EPS8L3: variants seen among roughly 807,000 people sequenced by gnomAD.
The protein encoded by EPS8L3 is EPS8 signaling adaptor L3.
Under a neutral mutation model 88.5 loss-of-function variants are expected in EPS8L3, and 80 were observed. The ratio of observed to expected loss-of-function variants is 0.90; its 90% CI spans 0.75 to 1.09. EPS8L3 has a LOEUF of 1.09. Among genes scored for constraint, EPS8L3 ranks in the 50% least tolerant of loss-of-function variants. The pLI, the probability that EPS8L3 is intolerant of heterozygous loss-of-function variation, is 0.00. For missense variants in EPS8L3, 721 were observed against 735.2 expected (o/e 0.98, Z 0.22); for synonymous variants, 286 against 291.0 (o/e 0.98, Z 0.18).
At chr1:109,757,288 GC>G in intron 11 of EPS8L3, 123 bp from the exon 12 acceptor site, 1 of 1,262,996 alleles carries the variant, frequency 7.9e-7, no homozygotes, top group East Asian at 2.5e-5. Flanking sequence ...CCTGCAAGGG[GC>G]CCCATCTGCC....
rs754934510 is a variant in EPS8L3 at position 109,750,727 on chromosome 1, T to G, written c.1703A>C (p.Gln568Pro). The change falls in exon 18 of 19, where the codon CAG (glutamine) becomes CCG (proline). Residue 568 changes from glutamine to proline, a missense_variant. Gln to Pro is a moderately conservative substitution (Grantham distance 76, BLOSUM62 -1). Coordinates refer to ENST00000361965, the MANE Select transcript of EPS8L3 (RefSeq NM_133181.4). ...TGGGGCCTCCTGTGGACATAGCATCTGTAGCTCCCCAGGTCTTATGCGAAG... is the reference window on the plus strand; with the variant it reads ...TGGGGCCTCCTGTGGACATAGCATCGGTAGCTCCCCAGGTCTTATGCGAAG... ...QLLRIRPGEL[Q>P]MLCPQEAPRI... The G allele has an allele frequency of 6.2e-7, 1 of 1,614,228 alleles. No individual in the cohort carries two copies.
At position 109,752,721 on chromosome 1, in the gene EPS8L3, C is replaced by T. The variant is rs2101414937; in HGVS notation, c.1201-1G>A. On this transcript the variant is annotated splice_acceptor_variant, in intron 13 of 18. Transcript: ENST00000361965. LOFTEE classifies it high-confidence loss of function. ...CAGGGTCCTGGTATCCTAAGGGTGC[C>T]TGTAAGGGACAGAACAGAGAGTGAG... is the stretch of plus-strand genomic sequence containing the variant. The T allele has an allele frequency of 6.4e-7, 1 of 1,552,048 alleles. No individual in the cohort carries two copies. Among genetic ancestry groups the T allele is most frequent in the Non-Finnish European group, 8.7e-7 (1 of 1,147,100 alleles).
Position 109,759,208 on chromosome 1 carries a change from AC to A in EPS8L3, c.405+29del. 1 of 1,604,168 alleles carries A rather than the reference AC, an allele frequency of 6.2e-7. No individual in the cohort carries two copies. Among genetic ancestry groups the A allele is most frequent in the Non-Finnish European group, 8.5e-7 (1 of 1,175,152 alleles). ...GGTGGGGTGATGGTCGATGAACCCC[AC>A]CCCTGACCAATCACCCCCGACCACT... On this transcript the variant is annotated intron_variant, in intron 5 of 18. Coordinates refer to ENST00000361965, the MANE Select transcript of EPS8L3 (RefSeq NM_133181.4). This position sits in a 1 kb window ranked among gnomAD's most constrained non-coding sequence, Gnocchi z 4.2.
rs1242502400 is a variant in EPS8L3, at chr1:109,757,461, C to T, written c.969+20G>A. On this transcript the variant is annotated intron_variant, in intron 11 of 18. Transcript: ENST00000361965. ...ACTTCAGCCTGTCCGTCTTCACCAC[C>T]CTGTCGTCCCTTGACTCACGAAGTT... 2.5e-6 allele frequency: 4 copies of T among 1,610,092 alleles called. No individual in the cohort carries two copies. In the South Asian group the frequency reaches 4.4e-5, roughly 18 times the overall value.
intron 12 of EPS8L3, among the ~76,000 whole-genome samples, chr1:109,753,563 T>C (rs1650009279): frequency 6.6e-6 from 1 of 152,184 alleles, no homozygotes; most frequent in Admixed American, 6.5e-5. Flanking sequence ...TTGTGCAGTA[T>C]TTTTCTAGGC....
chr1:109,759,848 G>T lies in EPS8L3; in HGVS notation c.97-12C>A, dbSNP rs773527493. ...CATGTCATCAAGTGCTGCAGGGAGA[G>T]GGGGAGTCCTAGGACTGGGAGAAAG... is the stretch of plus-strand genomic sequence containing the variant. On this transcript the variant is annotated splice_polypyrimidine_tract_variant and intron_variant, in intron 3 of 18. Transcript: ENST00000361965. This position sits in a 1 kb window ranked among gnomAD's most constrained non-coding sequence, Gnocchi z 4.2. 1.9e-6 allele frequency: 3 copies of T among 1,612,644 alleles called. No homozygotes were observed. Among genetic ancestry groups the T allele is most frequent in the Admixed American group, 1.7e-5 (1 of 59,966 alleles).
In EPS8L3 at chr1:109,750,396, G is replaced by T; in HGVS notation, c.1777C>A (p.Pro593Thr). Residue 593 changes from proline (P) to threonine (T), a missense_variant, in exon 19 of 19, where the codon CCT (proline) becomes ACT (threonine). Physicochemically the swap from Pro to Thr is conservative, Grantham distance 38. Transcript: ENST00000361965. ...EAVRRMLGIS[P>T] ...GGAGGTGTCTAAGCTGGTGCCTAAGGGCTTATCTGAGGAAAGACAAAGATT... is the reference window on the plus strand; with the variant it reads ...GGAGGTGTCTAAGCTGGTGCCTAAGTGCTTATCTGAGGAAAGACAAAGATT... 4.3e-6 allele frequency: 7 copies of T among 1,613,798 alleles called. No homozygotes were observed. Among genetic ancestry groups the T allele is most frequent in the South Asian group, 1.1e-5 (1 of 90,950 alleles).
chr1:109,750,864 C>T (rs1649727322), intron 17 of EPS8L3, 72 bp from the exon 18 acceptor site: 2 of 1,581,650 alleles, frequency 1.3e-6, no homozygotes, highest in Non-Finnish European at 1.7e-6. Context: ...TGGGCAGAGA[C>T]AGGGCTCTTT....
chr1:109,759,343 A>G lies in EPS8L3; in HGVS notation c.300T>C (p.Asn100=). The change falls in exon 5 of 19, where the codon AAT becomes AAC. Residue 100 remains asparagine (N), a synonymous_variant. Coordinates refer to ENST00000361965, the MANE Select transcript of EPS8L3 (RefSeq NM_133181.4). This position sits in a 1 kb window ranked among gnomAD's most constrained non-coding sequence, Gnocchi z 4.2. ...TGTAGGAACATGTGTTGAGCGCCACATTCATGGCCTGGATGCTGTCTAGGC... is the reference window on the plus strand; with the variant it reads ...TGTAGGAACATGTGTTGAGCGCCACGTTCATGGCCTGGATGCTGTCTAGGC... The part of the protein sequence containing the change: ...SYRLDSIQAM[N]VALNTCSYNS... 3 of 1,614,126 alleles carry G rather than the reference A, an allele frequency of 1.9e-6. No individual in the cohort carries two copies. Among genetic ancestry groups the G allele is most frequent in the Non-Finnish European group, 2.5e-6 (3 of 1,180,022 alleles).
At chr1:109,755,733 C>G (rs1277191502) in intron 12 of EPS8L3, among the ~76,000 whole-genome samples, 1 of 152,180 alleles carries the variant, frequency 6.6e-6, no homozygotes, top group Non-Finnish European at 1.5e-5. Flanking sequence ...GTAGGAGGAT[C>G]GCTGGAGCCA....
Position 109,758,375 on chromosome 1 carries a change from C to T in EPS8L3, c.658G>A (p.Ala220Thr). The T allele has an allele frequency of 6.2e-7, 1 of 1,613,152 alleles. No homozygotes were observed. Among genetic ancestry groups the T allele is most frequent in the Non-Finnish European group, 8.5e-7 (1 of 1,179,628 alleles). Residue 220 changes from alanine (A) to threonine (T), a missense_variant, in exon 8 of 19, where the codon GCC (alanine) becomes ACC (threonine). Transcript: ENST00000361965. Reference sequence around the variant, plus strand: ...CGCCTTGGAGGAGGCAGAGTAAAGGCACTTGGTTCTCGGGCACTGGTGTGG... The same window carrying T: ...CGCCTTGGAGGAGGCAGAGTAAAGGTACTTGGTTCTCGGGCACTGGTGTGG... The part of the protein sequence containing the change: ...PRHTSAREPS[A>T]FTLPPPRRSS...
At chr1:109,763,539 C>G (rs78096967) in intron 1 of EPS8L3, among the ~76,000 whole-genome samples, 124 of 152,260 alleles carry the variant, frequency 8.1e-4, no homozygotes, top group South Asian at 1.7e-3. Context: ...CCATTTCCCC[C>G]CTTTAAGCCC....
Position 109,752,204 on chromosome 1 carries a change from G to A in EPS8L3, c.1236-11C>T, listed in dbSNP as rs1557988510. ...CTATGACTTCCCCGCCTAAGAAACA[G>A]AGTCAGGATGGCTGGAGAATGGGGC... On this transcript the variant is annotated splice_polypyrimidine_tract_variant and intron_variant, in intron 14 of 18. Coordinates refer to ENST00000361965, the MANE Select transcript of EPS8L3 (RefSeq NM_133181.4). 6.2e-7 allele frequency: 1 copy of A among 1,605,702 alleles called. No individual in the cohort carries two copies. The highest frequency in any genetic ancestry group is 8.5e-7 in the Non-Finnish European group (1 of 1,174,650).
At chr1:109,754,805 A>G (rs1049297059) in intron 12 of EPS8L3, among the ~76,000 whole-genome samples, 1 of 152,166 alleles carries the variant, frequency 6.6e-6, no homozygotes, top group Non-Finnish European at 1.5e-5. Flanking sequence ...AGCTATTCCC[A>G]CAGACAGTGG....
Position 109,763,575 on chromosome 1 carries a change from A to G in EPS8L3, c.-25+247T>C, listed in dbSNP as rs528581075. 5.9e-5 allele frequency among the ~76,000 whole-genome samples: 9 copies of G among 152,230 alleles called. No homozygotes were observed. The South Asian group carries it at 1.9e-3, about 32-fold the overall frequency. ...TAGATGTAGGGGTTTGGAGCAGGGA[A>G]GGCCATCACCTCATAGACCCTGGGG... On this transcript the variant is annotated intron_variant, in intron 1 of 18. Transcript: ENST00000361965.
chr1:109,759,111 G>C lies in EPS8L3; in HGVS notation c.412C>G (p.Arg138Gly). The change falls in exon 6 of 19, where the codon CGA (arginine) becomes GGA (glycine). Residue 138 changes from arginine (R) to glycine (G), a missense_variant. Transcript: ENST00000361965. This position sits in a 1 kb window ranked among gnomAD's most constrained non-coding sequence, Gnocchi z 4.2. ...GCCTTCTGCAGGCTGGTCTTCAGTC[G>C]CTCTGCCTGGGAAGCAGCAGTCAGG... The part of the protein sequence containing the change: ...LFQCQEVGAE[R>G]LKTSLQKALE... The C allele has an allele frequency of 6.2e-7, 1 of 1,611,566 alleles. No individual in the cohort carries two copies. The highest frequency in any genetic ancestry group is 8.5e-7 in the Non-Finnish European group (1 of 1,179,542).
intron 1 of EPS8L3, among the ~76,000 whole-genome samples, chr1:109,762,663 G>A (rs1651106961): frequency 6.6e-6 from 1 of 152,162 alleles, no homozygotes; most frequent in Admixed American, 6.5e-5. Flanking sequence ...TGTTCTAACG[G>A]CGTTACCTTC....
At chr1:109,753,690 T>C (rs1006243578) in intron 12 of EPS8L3, among the ~76,000 whole-genome samples, 4 of 152,226 alleles carry the variant, frequency 2.6e-5, no homozygotes, top group African/African-American at 9.6e-5. Flanking sequence ...TGGGATGGGC[T>C]GGTCCTTGCC....
intron 3 of EPS8L3, among the ~76,000 whole-genome samples, chr1:109,760,794 G>T (rs977082626): frequency 6.6e-6 from 1 of 152,024 alleles, no homozygotes; most frequent in Admixed American, 6.6e-5. Context: ...ACTAACAAGT[G>T]GTGGCCAGGA....
Sources: allele counts gnomAD v4.1 joint callset (sites outside exome capture counted in the v4.1 genomes callset), GRCh38; gene constraint gnomAD v4.1.1; non-coding constraint Gnocchi (gnomAD v3.1); transcripts MANE v1.5; gene names NCBI Gene and HGNC (gene_info 2026-07-23, HGNC 2026-07-21).